XXYLT1: variants seen among roughly 807,000 people sequenced by gnomAD.
The protein encoded by XXYLT1 is UDP-xylose:alpha-xyloside alpha-1,3-xylosyltransferase.
XXYLT1 carries 20 observed loss-of-function variants against 28.9 expected under a neutral mutation model. That is an observed-to-expected ratio of 0.69 (90% CI 0.49 to 1.00). The LOEUF (loss-of-function observed/expected upper bound fraction) is 1.00. Ranked by LOEUF, XXYLT1 falls within the 50% of genes least tolerant of loss-of-function variation. The probability of loss-of-function intolerance (pLI) is 0.00; values close to 1 mark genes in which losing one functional copy is unlikely to be tolerated. For missense variants in XXYLT1, 542 were observed against 560.1 expected, an observed-to-expected ratio of 0.97 and a Z score of 0.33; for synonymous variants, 257 against 253.8, an observed-to-expected ratio of 1.01 and a Z score of -0.12.
At chr3:195,121,888 G>A (rs943017143) in intron 3 of XXYLT1, 33 of 623,796 alleles carry the variant, frequency 5.3e-5, no homozygotes, top group Non-Finnish European at 8.1e-5. Context: ...TAAAGGCATC[G>A]TCTAGCACTG....
rs1436145796 is a variant in XXYLT1 at position 195,209,242 on chromosome 3, G to A, written c.652+17467C>T. The A allele has an allele frequency of 6.6e-6, 1 of 152,304 alleles. No homozygotes were observed. The highest frequency in any genetic ancestry group is 1.5e-5 in the Non-Finnish European group (1 of 68,118). The allele number at this position is 152,304 out of a possible 1,614,324, so 9.4% of individuals were successfully genotyped here. A position where few individuals can be genotyped will look rare whatever the true frequency, so the allele number is the denominator to read the frequency against. ...AGACAGAGGAAGTGCAAAAGCCAAG[G>A]GTTAAGGCAGAGGAGACCTACGCCA... On this transcript the variant is annotated intron_variant, in intron 2 of 3. Coordinates refer to ENST00000310380, the MANE Select transcript of XXYLT1 (RefSeq NM_152531.5). This position sits in a 1 kb window ranked among gnomAD's most constrained non-coding sequence, Gnocchi z 5.0.
intron 3 of XXYLT1, chr3:195,094,126 C>T (rs952461197): frequency 6.6e-6 from 1 of 152,654 alleles, no homozygotes; most frequent in African/African-American, 2.4e-5. Context: ...CTGGCCTCTC[C>T]TGTTCCTAGG....
At chr3:195,143,843 G>GATATATATAGATATAGATATAT (rs1719661395) in intron 3 of XXYLT1, among the ~76,000 whole-genome samples, 1 of 89,408 alleles carries the variant, frequency 1.1e-5, no homozygotes, top group African/African-American at 4.5e-5. Context: ...TATAGATATA[G>GATATATATAGATATAGATATAT]ATATATATAT....
rs1720606122 is a variant in XXYLT1 at position 195,156,576 on chromosome 3, G to A, written c.658C>T (p.Leu220=). 2 of 1,614,036 alleles carry A rather than the reference G, an allele frequency of 1.2e-6. No individual in the cohort carries two copies. The highest frequency in any genetic ancestry group is 3.3e-5 in the Admixed American group (2 of 60,006). The part of the protein sequence containing the change: ...AMHQIMPKEI[L]QIIQLDLDLK... ...TCTAGGTCCAGCTGAATGATCTGCAGGATCTCTGCGGGAAAGAGAAAAGGA... is the reference window on the plus strand; with the variant it reads ...TCTAGGTCCAGCTGAATGATCTGCAAGATCTCTGCGGGAAAGAGAAAAGGA... Residue 220 remains leucine, a synonymous_variant, in exon 3 of 4, where the codon CTG becomes TTG. Transcript: ENST00000310380.
intron 2 of XXYLT1, among the ~76,000 whole-genome samples, chr3:195,201,521 G>A (rs1055524002): frequency 2.6e-5 from 4 of 152,188 alleles, no homozygotes; most frequent in African/African-American, 9.7e-5. Context: ...GTCCTATCTT[G>A]AGGCTGTTCC....
chr3:195,252,717 C>G lies in XXYLT1; in HGVS notation c.504+17838G>C, dbSNP rs1379816203. 5.5e-3 allele frequency among the ~76,000 whole-genome samples: 765 copies of G among 139,198 alleles called. 10 individuals are homozygous for G. The highest frequency in any genetic ancestry group is 0.022 in the African/African-American group (713 of 32,006). The allele number at this position is 139,198 out of a possible 152,430, so 91.3% of individuals were successfully genotyped here. On this transcript the variant is annotated intron_variant, in intron 1 of 3. Transcript: ENST00000310380. ...CCACACACACACACACACACACACA[C>G]ACACACACACAGAGAGAGAGAGAGA...
intron 1 of XXYLT1, among the ~76,000 whole-genome samples, chr3:195,263,560 G>C (rs1397482408): frequency 6.6e-6 from 1 of 152,158 alleles, no homozygotes; most frequent in Non-Finnish European, 1.5e-5. Context: ...CCTTCTGCAT[G>C]CCTCTGCTTC....
At chr3:195,128,085 C>A (rs921735317) in intron 3 of XXYLT1, among the ~76,000 whole-genome samples, 4 of 152,130 alleles carry the variant, frequency 2.6e-5, no homozygotes, top group African/African-American at 9.7e-5. Context: ...TAACCTGCAA[C>A]GGGGCCAGGG....
intron 3 of XXYLT1, among the ~76,000 whole-genome samples, chr3:195,074,661 G>T (rs1027993978): frequency 2.6e-5 from 4 of 152,194 alleles, no homozygotes; most frequent in Non-Finnish European, 5.9e-5. Flanking sequence ...CCCTGGCTGG[G>T]TGATGTCGGC....
intron 3 of XXYLT1, among the ~76,000 whole-genome samples, chr3:195,075,578 C>T (rs1715068043): frequency 1.3e-5 from 2 of 152,234 alleles, no homozygotes; most frequent in African/African-American, 4.8e-5. Context: ...AGCCAGCCTG[C>T]CAGGAGGCGC....
intron 1 of XXYLT1, among the ~76,000 whole-genome samples, 192 bp from the exon 2 acceptor site, chr3:195,227,048 C>T (rs989638692): frequency 6.6e-6 from 1 of 152,102 alleles, no homozygotes; most frequent in Non-Finnish European, 1.5e-5. Context: ...AGAATTGAGG[C>T]CGCACTAAGG....
chr3:195,268,447 A>ACGGG (rs1725910511), intron 1 of XXYLT1, among the ~76,000 whole-genome samples: 1 of 151,816 alleles, frequency 6.6e-6, no homozygotes, highest in Non-Finnish European at 1.5e-5. Context: ...AAAAAAAACA[A>ACGGG]AAAATTTAGC....
chr3:195,162,178 G>T (rs1043208905), intron 2 of XXYLT1, among the ~76,000 whole-genome samples: 5 of 152,138 alleles, frequency 3.3e-5, no homozygotes, highest in Admixed American at 2.6e-4. Context: ...CTGGTCAGTG[G>T]TAGGGCTCGA....
chr3:195,068,571 G>A lies in XXYLT1; in HGVS notation c.*1144C>T, dbSNP rs576751910. On this transcript the variant is annotated 3_prime_UTR_variant, in exon 4 of 4. Coordinates refer to ENST00000310380, the MANE Select transcript of XXYLT1 (RefSeq NM_152531.5). The stretch of plus-strand genomic sequence containing the variant: ...CACATGGTCACACTTGGGAATTGCT[G>A]GGTTCCTTTTTGGTTTTTTTTTTTT... The A allele has an allele frequency of 5.7e-4, 86 of 150,614 alleles. No individual in the cohort carries two copies. The highest frequency in any genetic ancestry group is 2.0e-3 in the African/African-American group (83 of 40,618). 9.3% of individuals were successfully genotyped at this position (150,614 alleles called of 1,614,324 possible).
At chr3:195,204,476 ACTCTCTCTCTCT>A (rs61196221) in intron 2 of XXYLT1, among the ~76,000 whole-genome samples, 9 of 125,966 alleles carry the variant, frequency 7.1e-5, no homozygotes, top group South Asian at 5.6e-4. Flanking sequence ...TCACTCTCTC[ACTCTCTCTCTCT>A]CTCTCTCTCT....
At chr3:195,086,592 G>A (rs1382390690) in intron 3 of XXYLT1, among the ~76,000 whole-genome samples, 2 of 152,168 alleles carry the variant, frequency 1.3e-5, no homozygotes, top group East Asian at 3.9e-4. Flanking sequence ...GAAGGTCAGG[G>A]AAGCTGACCT....
chr3:195,188,221 C>T (rs939983505), intron 2 of XXYLT1, among the ~76,000 whole-genome samples: 2 of 152,184 alleles, frequency 1.3e-5, no homozygotes, highest in African/African-American at 4.8e-5. Context: ...CTCTTTACTC[C>T]TTGGAGAAGA....
chr3:195,212,599 G>A (rs569433356), intron 2 of XXYLT1, among the ~76,000 whole-genome samples: 1 of 152,190 alleles, frequency 6.6e-6, no homozygotes, highest in African/African-American at 2.4e-5. Context: ...CCTCCTGTCA[G>A]ATCAGCAGCA....
At chr3:195,177,597 G>A (rs111732657) in intron 2 of XXYLT1, among the ~76,000 whole-genome samples, 2,920 of 152,064 alleles carry the variant, frequency 0.019, 93 homozygotes, top group African/African-American at 0.067. Context: ...ACACAAGTTC[G>A]TGGCCATGAG....
Sources: allele counts gnomAD v4.1 joint callset (sites outside exome capture counted in the v4.1 genomes callset), GRCh38; gene constraint gnomAD v4.1.1; non-coding constraint Gnocchi (gnomAD v3.1); transcripts MANE v1.5; gene names NCBI Gene and HGNC (gene_info 2026-07-23, HGNC 2026-07-21).